The following RAB13 variants were observed in gnomAD, a reference collection of about 807,000 sequenced individuals.
The protein encoded by RAB13 is RAB13, member RAS oncogene family, also known as ras-related protein Rab-13.
A neutral mutation model predicts 29.3 loss-of-function variants in RAB13; 15 were observed. The ratio of observed to expected loss-of-function variants is 0.51; its 90% CI spans 0.34 to 0.79. The LOEUF (loss-of-function observed/expected upper bound fraction) is 0.79, where lower values mean the gene tolerates loss of function less well. RAB13 is among the 30% of genes least tolerant of loss of function. The pLI, the probability that RAB13 is intolerant of heterozygous loss-of-function variation, is 0.01. For synonymous variants in RAB13, 82 were observed against 93.8 expected, an observed-to-expected ratio of 0.87 and a Z score of 0.73; for missense variants, 186 against 255.5, an observed-to-expected ratio of 0.73 and a Z score of 1.85.
rs1649068635 is a variant in RAB13, at chr1:153,983,711, G to C, written c.186-130C>G. The C allele has an allele frequency of 6.5e-6, 5 of 764,626 alleles. 1 individual carries two copies. The highest frequency in any genetic ancestry group is 1.1e-5 in the Non-Finnish European group (5 of 459,414). 47.4% of individuals were successfully genotyped at this position (764,626 alleles called of 1,614,324 possible). Reference sequence around the variant, plus strand: ...AACAGAATAAGGAAACAGTAAAGGGGAACGGGATTAAAGACAGTTGAGCTG... The same window carrying C: ...AACAGAATAAGGAAACAGTAAAGGGCAACGGGATTAAAGACAGTTGAGCTG... On this transcript the variant is annotated intron_variant, in intron 2 of 7. Transcript: ENST00000368575.
rs1271356310 is a variant in RAB13 at position 153,982,373 on chromosome 1, C to T, written c.534+18G>A. The stretch of plus-strand genomic sequence containing the variant: ...CACACACCCCAGAGTTGTACCTAGT[C>T]CAGCAAAACCAACTTACTGATCTCC... On this transcript the variant is annotated intron_variant, in intron 7 of 7. Coordinates refer to ENST00000368575, the MANE Select transcript of RAB13 (RefSeq NM_002870.5). The T allele has an allele frequency of 3.1e-6, 5 of 1,605,206 alleles. No individual in the cohort carries two copies. In the South Asian group the frequency reaches 4.4e-5, roughly 14 times the overall value.
At chr1:153,988,376 C>T (rs2147864206), upstream of RAB13, among the ~76,000 whole-genome samples, 1 of 145,672 alleles carries the variant, frequency 6.9e-6, no homozygotes, top group East Asian at 2.0e-4. Flanking sequence ...TCACTGCAAG[C>T]TCCGCCTCCT....
At chr1:153,983,167 T>A (rs1307490865) in intron 4 of RAB13, 52 bp downstream of exon 4, 1 of 1,504,624 alleles carries the variant, frequency 6.6e-7, no homozygotes, top group Non-Finnish European at 9.3e-7. Context: ...GATGGACCCC[T>A]TCATTCTCCA....
chr1:153,982,517 TG>T lies in RAB13; in HGVS notation c.480+17del. The T allele has an allele frequency of 6.2e-7, 1 of 1,610,694 alleles. No homozygotes were observed. Among genetic ancestry groups the T allele is most frequent in the South Asian group, 1.1e-5 (1 of 91,010 alleles). On this transcript the variant is annotated intron_variant, in intron 6 of 7. Coordinates refer to ENST00000368575, the MANE Select transcript of RAB13 (RefSeq NM_002870.5). ...TAATACTTCCTCTCTTGGTCGGGGA[TG>T]GGGGTGTGGATCTCACCTCATCCAC...
upstream of RAB13, chr1:153,986,449 G>A (rs911188399): frequency 1.9e-6 from 1 of 522,646 alleles, no homozygotes; most frequent in East Asian, 3.2e-5. Flanking sequence ...CTGCCAGCCC[G>A]GCCTCTGTTC....
At chr1:153,983,710 G>A (rs1649068557) in intron 2 of RAB13, 129 bp from the exon 3 acceptor site, 3 of 767,610 alleles carry the variant, frequency 3.9e-6, no homozygotes, top group African/African-American at 1.7e-5. Flanking sequence ...ACAGTAAAGG[G>A]GAACGGGATT....
At chr1:153,983,652 T>C (rs1475879265) in intron 2 of RAB13, 71 bp from the exon 3 acceptor site, 2 of 1,371,346 alleles carry the variant, frequency 1.5e-6, no homozygotes, top group African/African-American at 2.9e-5. Context: ...TCTTCCTCTC[T>C]CACAAGAATT....
intron 1 of RAB13, 84 bp downstream of exon 1, chr1:153,986,029 G>T: frequency 6.3e-7 from 1 of 1,583,618 alleles, no homozygotes; most frequent in South Asian, 1.2e-5. Context: ...TAAGGGGACT[G>T]AAAAGTGGGG....
chr1:153,984,720 C>A lies in RAB13; in HGVS notation c.185+1G>T. On this transcript the variant is annotated splice_donor_variant, in intron 2 of 7. Transcript: ENST00000368575. LOFTEE classifies it high-confidence loss of function. ...CGAGGCATCCCAGAGGACTGACTTA[C>A]CAGACTTGTAGTTTGATCTTCTTCC... is the stretch of plus-strand genomic sequence containing the variant. 6.2e-7 allele frequency: 1 copy of A among 1,612,596 alleles called. No homozygotes were observed. The highest frequency in any genetic ancestry group is 8.5e-7 in the Non-Finnish European group (1 of 1,178,982).
In RAB13 at chr1:153,986,296, T is replaced by G. The variant is rs1649168338; in HGVS notation, c.-60A>C. ...AGCGCCCGGCACTGGTAGGCGGGAC[T>G]GGACGGTTGGCAAACAGAGCGGCAC... On this transcript the variant is annotated 5_prime_UTR_variant, in exon 1 of 8. Coordinates refer to ENST00000368575, the MANE Select transcript of RAB13 (RefSeq NM_002870.5). The G allele has an allele frequency of 6.9e-7, 1 of 1,439,228 alleles. No individual in the cohort carries two copies. Among genetic ancestry groups the G allele is most frequent in the Non-Finnish European group, 9.7e-7 (1 of 1,032,130 alleles). 89.2% of individuals were successfully genotyped at this position (1,439,228 alleles called of 1,614,324 possible). A position where few individuals can be genotyped will look rare whatever the true frequency, so the allele number is the denominator to read the frequency against.
At chr1:153,987,847 T>C (rs1033600167), upstream of RAB13, among the ~76,000 whole-genome samples, 5 of 150,636 alleles carry the variant, frequency 3.3e-5, no homozygotes, top group South Asian at 2.1e-4. Flanking sequence ...CCGCAGCTAC[T>C]TGGGGGACAG....
upstream of RAB13, among the ~76,000 whole-genome samples, chr1:153,987,487 G>A (rs1310520468): frequency 7.2e-6 from 1 of 139,228 alleles, no homozygotes; most frequent in Non-Finnish European, 1.5e-5. Flanking sequence ...CTGCACTCCA[G>A]CTTGGGCGAC....
chr1:153,982,198 T>A (rs10908578), intron 7 of RAB13, 22 bp from the exon 8 acceptor site: 1 of 1,602,962 alleles, frequency 6.2e-7, no homozygotes, highest in African/African-American at 1.3e-5. Context: ...AGGGCACAGG[T>A]GTCATGGTGT....
chr1:153,984,796 T>C lies in RAB13; in HGVS notation c.125-15A>G. ...GAAATCAATTCCTAGGGGTGGAAGG[T>C]ATGCACTGAAGTTGAGACATGCATG... On this transcript the variant is annotated splice_polypyrimidine_tract_variant and intron_variant, in intron 1 of 7. Transcript: ENST00000368575. 1 of 1,610,372 alleles carries C rather than the reference T, an allele frequency of 6.2e-7. No individual in the cohort carries two copies. The highest frequency in any genetic ancestry group is 8.5e-7 in the Non-Finnish European group (1 of 1,177,930).
upstream of RAB13, among the ~76,000 whole-genome samples, chr1:153,986,546 A>G (rs369247234): frequency 2.0e-4 from 30 of 152,138 alleles, no homozygotes; most frequent in East Asian, 5.2e-3. Flanking sequence ...CCCTCTTAGG[A>G]CCTTACTCTT....
In RAB13 at chr1:153,986,301, G is replaced by A. The variant is rs138628851; in HGVS notation, c.-65C>T. On this transcript the variant is annotated 5_prime_UTR_variant, in exon 1 of 8. Transcript: ENST00000368575. ...CCGGCACTGGTAGGCGGGACTGGAC[G>A]GTTGGCAAACAGAGCGGCACGGAGC... 529 of 1,408,094 alleles carry A rather than the reference G, an allele frequency of 3.8e-4. 1 individual carries two copies. Among genetic ancestry groups the A allele is most frequent in the Middle Eastern group, 5.3e-4 (3 of 5,614 alleles). 87.2% of individuals were successfully genotyped at this position (1,408,094 alleles called of 1,614,324 possible).
At chr1:153,989,699 C>G (rs1482587698), upstream of RAB13, among the ~76,000 whole-genome samples, 1 of 151,782 alleles carries the variant, frequency 6.6e-6, no homozygotes, top group Non-Finnish European at 1.5e-5. Context: ...TCAATACCAG[C>G]TTGGCCAACA....
rs766772501 is a variant in RAB13, at chr1:153,986,221, C to G, written c.16G>C (p.Asp6His). ...ATCAGCAGCAACTTGAAGAGGTGGT[C>G]GTAGGCTTTGGCCATGGCGGACACC... The part of the protein sequence containing the change: MAKAY[D>H]HLFKLLLIGD... Residue 6 changes from aspartate (D) to histidine (H), a missense_variant, in exon 1 of 8, where the codon GAC (aspartate) becomes CAC (histidine). Physicochemically the swap from Asp to His is moderately conservative, Grantham distance 81. Transcript: ENST00000368575. 4 of 1,612,976 alleles carry G rather than the reference C, an allele frequency of 2.5e-6. No individual in the cohort carries two copies. The South Asian group carries it at 3.3e-5, about 13-fold the overall frequency.
chr1:153,987,528 A>AAAG (rs1553215353), upstream of RAB13, among the ~76,000 whole-genome samples: 16,153 of 127,454 alleles, frequency 0.13, 1,463 homozygotes, highest in East Asian at 0.51. Flanking sequence ...AAAAAAAAAA[A>AAAG]AAAGAAAGAA....
Sources: allele counts gnomAD v4.1 joint callset (sites outside exome capture counted in the v4.1 genomes callset), GRCh38; gene constraint gnomAD v4.1.1; transcripts MANE v1.5; gene names NCBI Gene and HGNC (gene_info 2026-07-23, HGNC 2026-07-21).